ABHD3: variants seen among roughly 807,000 people sequenced by gnomAD.
ABHD3 encodes the protein abhydrolase domain containing 3, phospholipase.
Under a neutral mutation model 48.8 loss-of-function variants are expected in ABHD3, and 46 were observed. The observed-to-expected ratio is 0.94, with a 90% CI of 0.74 to 1.20. ABHD3 has a LOEUF of 1.20. Among genes scored for constraint, ABHD3 ranks in the 50% most tolerant of loss-of-function variants. The pLI, the probability that ABHD3 is intolerant of heterozygous loss-of-function variation, is 0.00. For synonymous variants in ABHD3, 192 were observed against 183.7 expected (o/e 1.04, Z -0.36); for missense variants, 490 against 497.8 (o/e 0.98, Z 0.15).
intron 1 of ABHD3, chr18:21,703,954 G>A (rs1422455408): frequency 7.2e-6 from 4 of 558,882 alleles, no homozygotes; most frequent in Admixed American, 3.0e-5. Context: ...ATCGCGATAA[G>A]GGAGTTTGTT....
intron 3 of ABHD3, among the ~76,000 whole-genome samples, chr18:21,699,302 A>G (rs1157856664): frequency 6.6e-6 from 1 of 152,196 alleles, no homozygotes; most frequent in Admixed American, 6.5e-5. Context: ...TCCCTTAGAA[A>G]GTGGCAGTTC....
chr18:21,694,259 C>T (rs1188505698), intron 3 of ABHD3, among the ~76,000 whole-genome samples: 3 of 152,046 alleles, frequency 2.0e-5, no homozygotes, highest in African/African-American at 4.8e-5. Context: ...CCATACCTGG[C>T]TAATTTTTGT....
chr18:21,658,917 C>T (rs1171442500), intron 6 of ABHD3, among the ~76,000 whole-genome samples: 1 of 150,958 alleles, frequency 6.6e-6, no homozygotes, highest in African/African-American at 2.4e-5. Context: ...CGGCTTACTG[C>T]AACCTCCGCC....
intron 3 of ABHD3, among the ~76,000 whole-genome samples, chr18:21,700,849 A>AAAAAAAAAAAAAAAC (rs1568166423): frequency 6.8e-6 from 1 of 146,472 alleles, no homozygotes; most frequent in African/African-American, 2.6e-5. Flanking sequence ...AAAAAAAAAA[A>AAAAAAAAAAAAAAAC]TGGAACCAGG....
chr18:21,655,058 C>T (rs759864166), intron 8 of ABHD3: 2 of 152,074 alleles, frequency 1.3e-5, no homozygotes, highest in Non-Finnish European at 2.9e-5. Context: ...GTGGTCAAGG[C>T]TGTAAGTTTC....
At position 21,704,724 on chromosome 18, in the gene ABHD3, C is replaced by CGAGAGCGGGT; in HGVS notation, c.-60_-59insACCCGCTCTC. The stretch of plus-strand genomic sequence containing the variant: ...GGAGGAGAGCCGGCTGGCGAGCGGG[C>CGAGAGCGGGT]GAGAGCGGGCGAGAGCGGACGCGGC... On this transcript the variant is annotated 5_prime_UTR_variant, in exon 1 of 9. Transcript: ENST00000289119. The CGAGAGCGGGT allele has an allele frequency of 7.7e-7, 1 of 1,297,174 alleles. No individual in the cohort carries two copies. The highest frequency in any genetic ancestry group is 9.9e-7 in the Non-Finnish European group (1 of 1,011,242). The allele number at this position is 1,297,174 out of a possible 1,614,324, so 80.4% of individuals were successfully genotyped here.
intron 3 of ABHD3, among the ~76,000 whole-genome samples, chr18:21,687,623 A>G (rs955435849): frequency 2.0e-5 from 3 of 152,242 alleles, no homozygotes; most frequent in African/African-American, 7.2e-5. Context: ...TATTTTTCCT[A>G]CATATTTGAA....
At chr18:21,699,460 C>G (rs149653835) in intron 3 of ABHD3, among the ~76,000 whole-genome samples, 1 of 152,178 alleles carries the variant, frequency 6.6e-6, no homozygotes, top group Non-Finnish European at 1.5e-5. Flanking sequence ...CTCAGCCTTG[C>G]GCCAAACTTC....
At chr18:21,665,345 TCCTCCTGCTTCAG>T (rs1278929445) in intron 4 of ABHD3, among the ~76,000 whole-genome samples, 2 of 151,984 alleles carry the variant, frequency 1.3e-5, no homozygotes, top group Non-Finnish European at 2.9e-5. Flanking sequence ...GTTCAAGTGC[TCCTCCTGCTTCAG>T]CCTCCTGAGT....
chr18:21,660,146 AAT>A (rs1491366119), intron 5 of ABHD3, among the ~76,000 whole-genome samples: 3,297 of 143,828 alleles, frequency 0.023, 94 homozygotes, highest in African/African-American at 0.087. Context: ...AAAAAAAAAA[AAT>A]TTTTTTTTTT....
chr18:21,698,191 C>CTT (rs140083584), intron 3 of ABHD3, among the ~76,000 whole-genome samples: 21 of 146,966 alleles, frequency 1.4e-4, no homozygotes, highest in South Asian at 8.6e-4. Context: ...AAAACATTTT[C>CTT]TTTTTTTTTT....
At chr18:21,690,584 A>G (rs1361277704) in intron 3 of ABHD3, among the ~76,000 whole-genome samples, 1 of 152,074 alleles carries the variant, frequency 6.6e-6, no homozygotes, top group African/African-American at 2.4e-5. Flanking sequence ...CCTGGGCGAC[A>G]GAGCAAGACT....
chr18:21,678,457 G>C (rs985449346), intron 4 of ABHD3, among the ~76,000 whole-genome samples: 1 of 151,860 alleles, frequency 6.6e-6, no homozygotes, highest in African/African-American at 2.4e-5. Flanking sequence ...CTTTACATAG[G>C]ATCTATAATT....
chr18:21,702,430 C>T lies in ABHD3; in HGVS notation c.395G>A (p.Cys132Tyr), dbSNP rs756360750. The stretch of plus-strand genomic sequence containing the variant: ...AGGTCTGGTGCTGGCATCCATATAA[C>T]ACGTACTGTTATCATTATCAAACCA... ...LDWFDNDNSTCYMDASTRPTI... is the reference protein window; with the variant it reads ...LDWFDNDNSTYYMDASTRPTI... The change falls in exon 3 of 9, where the codon TGT becomes TAT. Residue 132 changes from cysteine (C) to tyrosine (Y), a missense_variant. By Grantham distance (194) the Cys-to-Tyr change is radical. Coordinates refer to ENST00000289119, the MANE Select transcript of ABHD3 (RefSeq NM_138340.5). 15 of 1,613,904 alleles carry T rather than the reference C, an allele frequency of 9.3e-6. No homozygotes were observed. In the Admixed American group the frequency reaches 2.3e-4, roughly 25 times the overall value.
chr18:21,700,317 C>A (rs2040478669), intron 3 of ABHD3, among the ~76,000 whole-genome samples: 1 of 152,092 alleles, frequency 6.6e-6, no homozygotes, highest in Admixed American at 6.6e-5. Context: ...GTCTCGAACT[C>A]CTGACCTTGT....
chr18:21,700,827 C>CAAAAAAAAAAAAAAAA (rs375239917), intron 3 of ABHD3, among the ~76,000 whole-genome samples: 41 of 94,368 alleles, frequency 4.3e-4, no homozygotes, highest in African/African-American at 1.4e-3. Flanking sequence ...AAGTTTTAGC[C>CAAAAAAAAAAAAAAAA]AAAAAAAAAA....
At position 21,655,610 on chromosome 18, in the gene ABHD3, C is replaced by A. The variant is rs896827134; in HGVS notation, c.1057+1251G>T. Among the ~76,000 whole-genome samples, 17 of 152,016 alleles carry A rather than the reference C, an allele frequency of 1.1e-4. 1 individual carries two copies. Among genetic ancestry groups the A allele is most frequent in the Non-Finnish European group, 1.8e-4 (12 of 68,004 alleles). Reference sequence around the variant, plus strand: ...ATGCCAGCAGTCTGGGAGGCTGAGGCAGGCGGATCGCCTGAGGTCAGGAGT... The same window carrying A: ...ATGCCAGCAGTCTGGGAGGCTGAGGAAGGCGGATCGCCTGAGGTCAGGAGT... On this transcript the variant is annotated intron_variant, in intron 8 of 8. Transcript: ENST00000289119.
intron 3 of ABHD3, among the ~76,000 whole-genome samples, chr18:21,695,089 A>G (rs2040339483): frequency 6.6e-6 from 1 of 151,984 alleles, no homozygotes; most frequent in African/African-American, 2.4e-5. Context: ...CTGGAGTGCA[A>G]TGGAGCAATC....
chr18:21,698,158 T>C (rs965223229), intron 3 of ABHD3, among the ~76,000 whole-genome samples: 4 of 152,164 alleles, frequency 2.6e-5, no homozygotes, highest in African/African-American at 9.7e-5. Flanking sequence ...GTAGATTTGC[T>C]TGTACTCATT....
Sources: gnomAD v4.1 joint callset for allele counts (sites outside exome capture counted in the v4.1 genomes callset) on GRCh38, gnomAD v4.1.1 for gene constraint, MANE v1.5 for transcripts, NCBI Gene and HGNC (gene_info 2026-07-23, HGNC 2026-07-21) for gene names.